The following RPH3A variants were observed in gnomAD, a reference collection of about 807,000 sequenced individuals.
RPH3A encodes the protein rabphilin 3A.
A neutral mutation model predicts 102.2 loss-of-function variants in RPH3A; 48 were observed. The ratio of observed to expected loss-of-function variants is 0.47; its 90% CI spans 0.37 to 0.60. The LOEUF (loss-of-function observed/expected upper bound fraction) is 0.60, where lower values mean the gene tolerates loss of function less well. RPH3A is among the 20% of genes least tolerant of loss of function. The pLI is 0.00. For synonymous variants in RPH3A, 310 were observed against 324.3 expected (o/e 0.96, Z 0.47); for missense variants, 781 against 910.1 (o/e 0.86, Z 1.83).
At chr12:112,584,621 C>T (rs2039425609) in intron 1 of RPH3A, among the ~76,000 whole-genome samples, 1 of 152,164 alleles carries the variant, frequency 6.6e-6, no homozygotes, top group Non-Finnish European at 1.5e-5. Context: ...CAGAATTGCT[C>T]CATGGGGCAC....
At chr12:112,648,854 C>T (rs932214049) in intron 1 of RPH3A, among the ~76,000 whole-genome samples, 4 of 151,938 alleles carry the variant, frequency 2.6e-5, no homozygotes, top group African/African-American at 9.7e-5. Context: ...GAGTCTCACT[C>T]TGTCACCCAG....
intron 1 of RPH3A, among the ~76,000 whole-genome samples, chr12:112,622,609 A>C (rs1004592909): frequency 1.3e-5 from 2 of 150,812 alleles, no homozygotes; most frequent in Non-Finnish European, 3.0e-5. Context: ...GATGTGGAGA[A>C]TGGAACCAAG....
rs563558298 is a variant in RPH3A, at chr12:112,584,535, A to C, written c.-140+9216A>C. On this transcript the variant is annotated intron_variant, in intron 1 of 21. Coordinates refer to the RPH3A transcript ENST00000543106. ...TGTGTCAGGCTGGGGGTGTGGTCCAAACACAGGGGCCACCTCTGGAGGGGT... is the reference window on the plus strand; with the variant it reads ...TGTGTCAGGCTGGGGGTGTGGTCCACACACAGGGGCCACCTCTGGAGGGGT... 5.9e-5 allele frequency among the ~76,000 whole-genome samples: 9 copies of C among 152,216 alleles called. No individual in the cohort carries two copies. The South Asian group carries it at 1.9e-3, about 32-fold the overall frequency.
At chr12:112,614,111 G>A (rs370327467) in intron 1 of RPH3A, among the ~76,000 whole-genome samples, 6 of 152,162 alleles carry the variant, frequency 3.9e-5, no homozygotes, top group African/African-American at 1.4e-4. Flanking sequence ...AGAGCTTCTA[G>A]AAGGAACCAG....
At chr12:112,640,892 A>T (rs866193394) in intron 1 of RPH3A, among the ~76,000 whole-genome samples, 6 of 151,700 alleles carry the variant, frequency 4.0e-5, no homozygotes, top group Admixed American at 6.6e-5. Flanking sequence ...CCTCCTCCCC[A>T]CTCCGCAGCA....
chr12:112,772,622 G>A (rs2040934475), intron 1 of RPH3A, among the ~76,000 whole-genome samples: 1 of 152,138 alleles, frequency 6.6e-6, no homozygotes, highest in African/African-American at 2.4e-5. Flanking sequence ...AGTGGTTGGT[G>A]CGTGGTAAGC....
chr12:112,626,269 GCAACCTA>G (rs1168067256), intron 1 of RPH3A, among the ~76,000 whole-genome samples: 3 of 3,524 alleles, frequency 8.5e-4, no homozygotes, highest in African/African-American at 2.8e-3. Flanking sequence ...GAGTGAACAG[GCAACCTA>G]CAACATGGGA....
At chr12:112,612,223 T>C (rs574806585) in intron 1 of RPH3A, among the ~76,000 whole-genome samples, 1 of 152,360 alleles carries the variant, frequency 6.6e-6, no homozygotes, top group South Asian at 2.1e-4. Flanking sequence ...AATTAGAGCC[T>C]TTACTGCATT....
intron 11 of RPH3A, 83 bp downstream of exon 11, chr12:112,875,253 A>G (rs1249404130): frequency 1.8e-6 from 2 of 1,087,722 alleles, no homozygotes; most frequent in African/African-American, 3.2e-5. Context: ...CTTGCAGAGC[A>G]TGCTGGGCTT....
chr12:112,882,550 A>G (rs2042932842), intron 15 of RPH3A, among the ~76,000 whole-genome samples: 1 of 152,240 alleles, frequency 6.6e-6, no homozygotes, highest in South Asian at 2.1e-4. Context: ...AAGAGGACAC[A>G]TGTACGCACC....
chr12:112,772,673 A>T (rs1025681566), intron 1 of RPH3A, among the ~76,000 whole-genome samples: 2 of 152,064 alleles, frequency 1.3e-5, no homozygotes, highest in Non-Finnish European at 2.9e-5. Flanking sequence ...TAGTAGTAGT[A>T]TTGTCATTTG....
chr12:112,831,883 A>G (rs2041976603), intron 3 of RPH3A: 1 of 455,036 alleles, frequency 2.2e-6, no homozygotes, highest in Non-Finnish European at 4.4e-6. Flanking sequence ...GTTCTGTAGT[A>G]TGATGTGCTT....
At chr12:112,668,764 T>G (rs966873679) in intron 1 of RPH3A, among the ~76,000 whole-genome samples, 1 of 152,006 alleles carries the variant, frequency 6.6e-6, no homozygotes, top group African/African-American at 2.4e-5. Flanking sequence ...CCATGGCACA[T>G]GTATACCTAT....
chr12:112,784,663 G>A (rs1000212754), intron 1 of RPH3A, among the ~76,000 whole-genome samples: 1 of 152,198 alleles, frequency 6.6e-6, no homozygotes, highest in Non-Finnish European at 1.5e-5. Flanking sequence ...ACTGAGCTGT[G>A]TTCTTGGAAT....
chr12:112,660,708 A>C (rs1054089577), intron 1 of RPH3A, among the ~76,000 whole-genome samples: 9 of 152,172 alleles, frequency 5.9e-5, no homozygotes, highest in Non-Finnish European at 1.3e-4. Context: ...CAAAAATCCC[A>C]AAACTATTTT....
rs546095472 is a variant in RPH3A, at chr12:112,672,880, C to T, written c.-140+97561C>T. ...TCTACTTTGGCTCCCAGAGTCCCTA[C>T]GGTTGCCTGTGCATCAGGTCAGCCA... On this transcript the variant is annotated intron_variant, in intron 1 of 21. Coordinates refer to the RPH3A transcript ENST00000543106. 9.8e-5 allele frequency among the ~76,000 whole-genome samples: 15 copies of T among 152,288 alleles called. No homozygotes were observed. The South Asian group carries it at 1.0e-3, about 11-fold the overall frequency.
intron 1 of RPH3A, among the ~76,000 whole-genome samples, chr12:112,706,373 T>G (rs138228217): frequency 1.3e-5 from 2 of 152,284 alleles, no homozygotes; most frequent in African/African-American, 4.8e-5. Flanking sequence ...CTCAGTGCAA[T>G]GAAGCCCCAG....
At chr12:112,879,225 C>T (rs779596756) in intron 14 of RPH3A, 27 bp downstream of exon 14, 1 of 1,594,356 alleles carries the variant, frequency 6.3e-7, no homozygotes, top group East Asian at 2.2e-5. Flanking sequence ...ATGCAGGGAA[C>T]CTCTCAGGAT....
intron 1 of RPH3A, among the ~76,000 whole-genome samples, chr12:112,600,425 A>T (rs2039549459): frequency 6.6e-6 from 1 of 152,190 alleles, no homozygotes; most frequent in African/African-American, 2.4e-5. Flanking sequence ...GAGGTTAAGC[A>T]GTTGGGATTG....
Sources: gnomAD v4.1 joint callset for allele counts (sites outside exome capture counted in the v4.1 genomes callset) on GRCh38, gnomAD v4.1.1 for gene constraint, MANE v1.5 for transcripts, NCBI Gene and HGNC (gene_info 2026-07-23, HGNC 2026-07-21) for gene names.